Variants in SIL1 observed in about 807,000 individuals in gnomAD.
SIL1 encodes the protein SIL1 nucleotide exchange factor.
A neutral mutation model predicts 49.1 loss-of-function variants in SIL1; 40 were observed. The ratio of observed to expected loss-of-function variants is 0.81; its 90% confidence interval spans 0.63 to 1.06. SIL1 has a LOEUF of 1.06. SIL1 is among the 50% of genes least tolerant of loss of function. The pLI, the probability that SIL1 is intolerant of heterozygous loss-of-function variation, is 0.00. For missense variants in SIL1, 500 were observed against 572.6 expected (o/e 0.87, Z 1.29); for synonymous variants, 253 against 250.8 (o/e 1.01, Z -0.08).
chr5:139,027,035 T>C (rs750883666), intron 5 of SIL1, 43 bp from the exon 6 acceptor site: 2 of 1,601,584 alleles, frequency 1.2e-6, no homozygotes, highest in Non-Finnish European at 8.5e-7. Flanking sequence ...GTTGGAGACA[T>C]CTGCCCAAGA....
intron 1 of SIL1, among the ~76,000 whole-genome samples, chr5:139,179,117 T>G (rs1751937170): frequency 6.6e-6 from 1 of 152,192 alleles, no homozygotes; most frequent in Admixed American, 6.5e-5. Context: ...AGATATCACC[T>G]TGTCTGAGTG....
In SIL1 at chr5:139,166,816, T is replaced by C. The variant is rs138812960; in HGVS notation, c.-11+31453A>G. Among the ~76,000 whole-genome samples, 51 of 152,060 alleles carry C rather than the reference T, an allele frequency of 3.4e-4. No individual in the cohort carries two copies. In the East Asian group the frequency reaches 9.3e-3, roughly 28 times the overall value. On this transcript the variant is annotated intron_variant, in intron 1 of 9. Transcript: ENST00000394817. ...CACACCAGCACACCTGGCAATGTTT[T>C]TGTTTTTTTTGAGACAGAGTCTCAC...
chr5:139,059,379 C>T (rs11958529), intron 3 of SIL1, among the ~76,000 whole-genome samples: 63,603 of 152,008 alleles, frequency 0.42, 14,097 homozygotes, highest in African/African-American at 0.58. Context: ...TTGTAAGGCC[C>T]CACCGGCCAT....
intron 3 of SIL1, among the ~76,000 whole-genome samples, chr5:139,077,682 G>A (rs534009468): frequency 8.3e-4 from 127 of 152,276 alleles, no homozygotes; most frequent in Middle Eastern, 3.4e-3. Flanking sequence ...GCAGAGTAGA[G>A]GGCACAGTTC....
chr5:139,155,503 CTCT>C (rs1293777190), intron 1 of SIL1: 1 of 115,766 alleles, frequency 8.6e-6, no homozygotes, highest in Non-Finnish European at 2.1e-5. Context: ...TCTCTTTAAT[CTCT>C]TCTTATGGAG....
chr5:139,092,620 C>A (rs879381653), intron 3 of SIL1, among the ~76,000 whole-genome samples: 16 of 152,224 alleles, frequency 1.1e-4, no homozygotes, highest in Non-Finnish European at 2.2e-4. Context: ...TGATGGGCAC[C>A]ACACCAAAAA....
intron 1 of SIL1, among the ~76,000 whole-genome samples, chr5:139,182,698 A>C (rs1022590046): frequency 6.6e-6 from 1 of 152,232 alleles, no homozygotes; most frequent in Admixed American, 6.5e-5. Context: ...GGAAGAGGGA[A>C]GAGTGAGAAA....
chr5:139,050,959 C>T lies in SIL1; in HGVS notation c.332G>A (p.Arg111Gln), dbSNP rs567676273. The change falls in exon 4 of 10, where the codon CGA (arginine) becomes CAA (glutamine). Residue 111 changes from arginine (R) to glutamine (Q), a missense_variant. Coordinates refer to ENST00000394817, the MANE Select transcript of SIL1 (RefSeq NM_022464.5). ...GTACCTTTTGCCTTTCAAATTATTT[C>T]GGAACTTGTCCTCATATTGGAGTTT... Reference protein sequence around the residue: ...EAKLQYEDKFRNNLKGKRLDI... With the variant: ...EAKLQYEDKFQNNLKGKRLDI... The T allele has an allele frequency of 8.1e-6, 13 of 1,614,032 alleles. No individual in the cohort carries two copies. The highest frequency in any genetic ancestry group is 6.6e-5 in the South Asian group (6 of 91,088).
intron 1 of SIL1, among the ~76,000 whole-genome samples, chr5:139,167,755 T>G (rs1000389280): frequency 1.3e-5 from 2 of 152,364 alleles, no homozygotes; most frequent in Non-Finnish European, 2.9e-5. Flanking sequence ...GCTTTCATAT[T>G]CACTGACCAC....
chr5:139,154,462 T>A (rs1283252350), intron 1 of SIL1, among the ~76,000 whole-genome samples: 1 of 152,266 alleles, frequency 6.6e-6, no homozygotes, highest in African/African-American at 2.4e-5. Flanking sequence ...TGTGCTCATT[T>A]AATCAACATG....
rs1382383731 is a variant in SIL1, at chr5:139,056,689, G to C, written c.245-5643C>G. The stretch of plus-strand genomic sequence containing the variant: ...CTGGCCAGCCGCCCCGTCCGGGAGG[G>C]AGGTGGGGGCGTCAGCCCCCCGCCC... On this transcript the variant is annotated intron_variant, in intron 3 of 9. Coordinates refer to ENST00000394817, the MANE Select transcript of SIL1 (RefSeq NM_022464.5). 2.7e-5 allele frequency among the ~76,000 whole-genome samples: 4 copies of C among 149,326 alleles called. No homozygotes were observed. The East Asian group carries it at 8.0e-4, about 30-fold the overall frequency.
intron 1 of SIL1, among the ~76,000 whole-genome samples, chr5:139,142,442 T>C (rs1277766408): frequency 6.6e-6 from 1 of 152,142 alleles, no homozygotes; most frequent in Non-Finnish European, 1.5e-5. Context: ...TTATACAACA[T>C]GATCAAGTGG....
At chr5:139,093,337 A>G (rs762205557) in intron 3 of SIL1, among the ~76,000 whole-genome samples, 10 of 152,250 alleles carry the variant, frequency 6.6e-5, no homozygotes, top group Non-Finnish European at 1.5e-5. Context: ...ATTCTGTTAC[A>G]GCAGCATAAA....
chr5:139,176,361 G>A (rs1267866107), intron 1 of SIL1, among the ~76,000 whole-genome samples: 1 of 152,052 alleles, frequency 6.6e-6, no homozygotes, highest in African/African-American at 2.4e-5. Flanking sequence ...TTACCCTTAA[G>A]GCTCCTTTCA....
chr5:138,966,167 C>T (rs13356293), intron 7 of SIL1, among the ~76,000 whole-genome samples: 7,734 of 152,120 alleles, frequency 0.051, 542 homozygotes, highest in African/African-American at 0.16. Context: ...TAATCAAGAC[C>T]AGCCTTCCAC....
rs541918973 is a variant in SIL1, at chr5:139,148,874, G to A, written c.-10-21021C>T. On this transcript the variant is annotated intron_variant, in intron 1 of 9. Transcript: ENST00000394817. ...AAGGGCTTGCCCTCCTGCAAAGTAG[G>A]AGGCAATTCTTTCCAATTATTCCAT... Among the ~76,000 whole-genome samples the A allele has an allele frequency of 1.9e-4, 29 of 152,270 alleles. 1 individual carries two copies. In the Middle Eastern group the frequency reaches 0.01, roughly 54 times the overall value.
At position 139,051,183 on chromosome 5, in the gene SIL1, A is replaced by G. The variant is rs368470489; in HGVS notation, c.245-137T>C. The G allele has an allele frequency of 1.9e-3, 1,395 of 741,460 alleles. 25 individuals carry two copies. The highest frequency in any genetic ancestry group is 0.018 in the South Asian group (1,247 of 69,416). 45.9% of individuals were successfully genotyped at this position (741,460 alleles called of 1,614,324 possible). The stretch of plus-strand genomic sequence containing the variant: ...GTTCAGTTACCTCCTCAATCCACCC[A>G]TCCCTCTCCCTTGAACACACACACC... On this transcript the variant is annotated intron_variant, in intron 3 of 9. Transcript: ENST00000394817.
chr5:139,055,597 T>C (rs1167889029), intron 3 of SIL1, among the ~76,000 whole-genome samples: 2 of 99,870 alleles, frequency 2.0e-5, no homozygotes, highest in Non-Finnish European at 4.1e-5. Flanking sequence ...TGACTCTCCC[T>C]CTCCCTCTCC....
intron 1 of SIL1, among the ~76,000 whole-genome samples, chr5:139,169,845 C>T (rs1373521105): frequency 1.2e-5 from 1 of 84,064 alleles, no homozygotes. Flanking sequence ...TCTCCCTCTC[C>T]CCACGGTCTC....
Sources: allele counts gnomAD v4.1 joint callset (sites outside exome capture counted in the v4.1 genomes callset), GRCh38; gene constraint gnomAD v4.1.1; transcripts MANE v1.5; gene names NCBI Gene and HGNC (gene_info 2026-07-23, HGNC 2026-07-21).